The following HDAC9 variants were observed in gnomAD, a reference collection of about 807,000 sequenced individuals.
HDAC9 encodes MEF-2 interacting transcription repressor (MITR) protein.
A neutral mutation model predicts 139.4 loss-of-function variants in HDAC9; 41 were observed. The ratio of observed to expected loss-of-function variants is 0.29; its 90% confidence interval spans 0.23 to 0.38. HDAC9 has a LOEUF of 0.38. Ranked by LOEUF, HDAC9 falls within the 10% of genes least tolerant of loss-of-function variation. The pLI is 1.00. For synonymous variants in HDAC9, 517 were observed against 476.2 expected (o/e 1.09, Z -1.12); for missense variants, 1,147 against 1,297.0 (o/e 0.88, Z 1.78).
chr7:18,339,677 C>A (rs1359864701), intron 1 of HDAC9, among the ~76,000 whole-genome samples: 1 of 151,092 alleles, frequency 6.6e-6, no homozygotes, highest in Non-Finnish European at 1.5e-5. Flanking sequence ...TATTTATTTT[C>A]CACATATTTT....
chr7:18,454,965 G>A (rs143980346), intron 1 of HDAC9, among the ~76,000 whole-genome samples: 1 of 152,220 alleles, frequency 6.6e-6, no homozygotes, highest in Admixed American at 6.5e-5. Context: ...AGAATTTACT[G>A]TCATCTTAAC....
At position 18,970,701 on chromosome 7, in the gene HDAC9, TTC is replaced by T. The variant is rs1181634012; in HGVS notation, c.3023-5103_3023-5102del. 2.0e-5 allele frequency among the ~76,000 whole-genome samples: 3 copies of T among 152,302 alleles called. No homozygotes were observed. In the South Asian group the frequency reaches 6.2e-4, roughly 32 times the overall value. On this transcript the variant is annotated intron_variant, in intron 24 of 25. Transcript: ENST00000686413. ...CTTGTAAGCCCCAGGTGTTAATAAT[TTC>T]TGTGGTTGAAGGAGATAGCAAGAGG... is the stretch of plus-strand genomic sequence containing the variant.
intron 11 of HDAC9, among the ~76,000 whole-genome samples, chr7:18,664,248 GTCC>G (rs1397040950): frequency 6.6e-6 from 1 of 152,122 alleles, no homozygotes; most frequent in African/African-American, 2.4e-5. Context: ...GTAAATGAAT[GTCC>G]TCCTTCTCCC....
intron 12 of HDAC9, among the ~76,000 whole-genome samples, chr7:18,673,560 A>G (rs1795784383): frequency 1.3e-5 from 2 of 152,108 alleles, no homozygotes; most frequent in African/African-American, 4.8e-5. Flanking sequence ...ATATAACATC[A>G]TTAAAATTAA....
chr7:18,767,080 A>G, intron 15 of HDAC9, 26 bp from the exon 16 acceptor site: 2 of 1,229,918 alleles, frequency 1.6e-6, no homozygotes, highest in Non-Finnish European at 2.2e-6. Context: ...ATTTATCTAT[A>G]TTTTTTATGT....
At chr7:18,459,960 T>C (rs1586061789) in intron 1 of HDAC9, among the ~76,000 whole-genome samples, 1 of 151,788 alleles carries the variant, frequency 6.6e-6, no homozygotes, top group East Asian at 1.9e-4. Context: ...TTTTTTTTTT[T>C]CGAGACAGAG....
chr7:18,552,565 GA>G (rs1018055677), intron 2 of HDAC9, among the ~76,000 whole-genome samples: 6 of 152,092 alleles, frequency 3.9e-5, no homozygotes, highest in African/African-American at 1.4e-4. Flanking sequence ...TTCAGGGAAG[GA>G]AAAATAATGA....
At chr7:18,960,720 C>T (rs754498814) in intron 24 of HDAC9, among the ~76,000 whole-genome samples, 3 of 151,846 alleles carry the variant, frequency 2.0e-5, no homozygotes, top group Non-Finnish European at 2.9e-5. Context: ...GTAATGTTAC[C>T]GTAAAGATAA....
intron 25 of HDAC9, 145 bp downstream of exon 25, chr7:18,976,098 C>G: frequency 1.3e-6 from 1 of 745,768 alleles, no homozygotes; most frequent in Non-Finnish European, 2.2e-6. Flanking sequence ...TGCCACAGCA[C>G]ATGCTTTAGG....
At chr7:18,939,938 T>A (rs1781910148) in intron 23 of HDAC9, among the ~76,000 whole-genome samples, 1 of 152,188 alleles carries the variant, frequency 6.6e-6, no homozygotes, top group African/African-American at 2.4e-5. Flanking sequence ...AAGAGGGGCC[T>A]TTCTGAGGGC....
chr7:18,389,972 G>A (rs939348452), intron 1 of HDAC9, among the ~76,000 whole-genome samples: 2 of 150,104 alleles, frequency 1.3e-5, no homozygotes, highest in Non-Finnish European at 3.0e-5. Flanking sequence ...TTCTCCATAC[G>A]CATCAATTAG....
chr7:18,942,562 T>C (rs1213155306), intron 23 of HDAC9, among the ~76,000 whole-genome samples: 3 of 152,090 alleles, frequency 2.0e-5, no homozygotes, highest in Non-Finnish European at 4.4e-5. Context: ...TTTGTTTGTT[T>C]TGGAGATGGC....
intron 1 of HDAC9, among the ~76,000 whole-genome samples, chr7:18,460,035 T>TC (rs1436318307): frequency 6.8e-6 from 1 of 147,396 alleles, no homozygotes; most frequent in East Asian, 2.2e-4. Context: ...TCTTCCCACC[T>TC]CAGCCTCTTG....
At chr7:18,143,165 C>T (rs1483872518) in intron 1 of HDAC9, among the ~76,000 whole-genome samples, 14 of 152,154 alleles carry the variant, frequency 9.2e-5, no homozygotes, top group Admixed American at 6.5e-4. Flanking sequence ...TGTGCACCTA[C>T]GCCTATTGTC....
intron 2 of HDAC9, among the ~76,000 whole-genome samples, chr7:18,224,716 C>A (rs1349212879): frequency 1.3e-5 from 2 of 151,720 alleles, no homozygotes; most frequent in African/African-American, 2.4e-5. Context: ...AAAGCGTGAC[C>A]AAAGATTGTA....
intron 22 of HDAC9, among the ~76,000 whole-genome samples, chr7:18,887,097 C>G (rs1028629248): frequency 6.6e-6 from 1 of 152,124 alleles, no homozygotes; most frequent in Admixed American, 6.5e-5. Context: ...TCAAGGAAAT[C>G]TTGGGGAATG....
rs542591826 is a variant in HDAC9 at position 18,509,763 on chromosome 7, C to G, written c.22+13439C>G. 2.0e-5 allele frequency among the ~76,000 whole-genome samples: 3 copies of G among 152,066 alleles called. No homozygotes were observed. The East Asian group carries it at 5.8e-4, about 29-fold the overall frequency. On this transcript the variant is annotated intron_variant, in intron 2 of 25. Coordinates refer to ENST00000686413, the MANE Select transcript of HDAC9 (RefSeq NM_178425.4). ...TTACGTGTATTTTTTTTCTCTTTCT[C>G]CCTTCTCTCTCGATCCTCATAGTCC...
chr7:18,466,708 A>G (rs974752394), intron 1 of HDAC9, among the ~76,000 whole-genome samples: 1 of 152,220 alleles, frequency 6.6e-6, no homozygotes, highest in East Asian at 1.9e-4. Context: ...CATTAATTCC[A>G]TCTGCAATCT....
At chr7:18,776,961 T>C (rs1475988183) in intron 16 of HDAC9, among the ~76,000 whole-genome samples, 1 of 151,942 alleles carries the variant, frequency 6.6e-6, no homozygotes, top group African/African-American at 2.4e-5. Context: ...GAGCTTCTGG[T>C]CTTCCTTCTG....
Sources: allele counts gnomAD v4.1 joint callset (sites outside exome capture counted in the v4.1 genomes callset), GRCh38; gene constraint gnomAD v4.1.1; transcripts MANE v1.5; gene names NCBI Gene and HGNC (gene_info 2026-07-23, HGNC 2026-07-21).